Variants in CATSPERT observed in about 807,000 individuals in gnomAD.
CATSPERT encodes catsper channel auxiliary subunit tau.
chr2:201,514,076 TAAAA>T, the CATSPERT span, among the ~76,000 whole-genome samples: 2 of 152,004 alleles, frequency 1.3e-5, no homozygotes, highest in African/African-American at 4.8e-5. Flanking sequence ...ATATATGTAA[TAAAA>T]AAGAAATATC....
chr2:201,562,339 C>G, the CATSPERT span, among the ~76,000 whole-genome samples: 2,134 of 151,612 alleles, frequency 0.014, 24 homozygotes, highest in Non-Finnish European at 0.023. Flanking sequence ...AGGCGCCCAC[C>G]ACCACGCCCG....
chr2:201,502,955 G>T, the CATSPERT span, among the ~76,000 whole-genome samples: 1 of 151,184 alleles, frequency 6.6e-6, no homozygotes, highest in African/African-American at 2.4e-5. Context: ...CTGTCTTCAG[G>T]TTCAGTGATC....
the CATSPERT span, chr2:201,547,372 A>G: frequency 1.9e-6 from 1 of 517,420 alleles, no homozygotes; most frequent in South Asian, 2.9e-5. Context: ...CAAAACAGGT[A>G]AGTACCTGAA....
At chr2:201,570,178 A>G in the CATSPERT span, among the ~76,000 whole-genome samples, 11 of 152,284 alleles carry the variant, frequency 7.2e-5, no homozygotes, top group South Asian at 2.1e-3. Flanking sequence ...CTCCAAAAAA[A>G]TAAATAAATA....
the CATSPERT span, chr2:201,487,771 T>TGTGCAATATA: frequency 2.5e-6 from 4 of 1,614,198 alleles, no homozygotes; most frequent in East Asian, 8.9e-5. Context: ...CAGTATATGG[T>TGTGCAATATA]CTTGCAGAGT....
At chr2:201,608,044 G>T in the CATSPERT span, among the ~76,000 whole-genome samples, 1 of 152,220 alleles carries the variant, frequency 6.6e-6, no homozygotes, top group African/African-American at 2.4e-5. Context: ...GGACAGCAAT[G>T]CTAGATTTTA....
chr2:201,546,413 T>C, the CATSPERT span, among the ~76,000 whole-genome samples: 2 of 152,136 alleles, frequency 1.3e-5, no homozygotes, highest in African/African-American at 2.4e-5. Flanking sequence ...GTCCAGAATA[T>C]ACAAAGAACT....
At chr2:201,545,707 C>T in the CATSPERT span, 1 of 882,320 alleles carries the variant, frequency 1.1e-6, no homozygotes, top group Admixed American at 3.4e-5. Flanking sequence ...TTTTCCTCTG[C>T]CTTCATAACT....
At chr2:201,574,153 G>A in the CATSPERT span, 1 of 1,273,342 alleles carries the variant, frequency 7.9e-7, no homozygotes, top group Non-Finnish European at 1.1e-6. Context: ...CCTCAGAAGA[G>A]GACGATTTGA....
At chr2:201,582,087 A>T in the CATSPERT span, 1 of 1,598,930 alleles carries the variant, frequency 6.3e-7, no homozygotes, top group Non-Finnish European at 8.5e-7. Flanking sequence ...AAATCATTTT[A>T]TACATACCTG....
the CATSPERT span, among the ~76,000 whole-genome samples, chr2:201,563,908 A>C: frequency 1.3e-5 from 2 of 152,244 alleles, no homozygotes; most frequent in Admixed American, 6.5e-5. Context: ...CATGGAGCCC[A>C]TCATTTGGTG....
At chr2:201,572,787 C>T in the CATSPERT span, among the ~76,000 whole-genome samples, 1 of 151,976 alleles carries the variant, frequency 6.6e-6, no homozygotes. Context: ...AAGCTTGTTC[C>T]TTGTGGCTTT....
At chr2:201,564,368 A>G in the CATSPERT span, among the ~76,000 whole-genome samples, 1 of 152,224 alleles carries the variant, frequency 6.6e-6, no homozygotes, top group Non-Finnish European at 1.5e-5. Flanking sequence ...TTTCAAGTAC[A>G]ATGTCTGGCA....
the CATSPERT span, among the ~76,000 whole-genome samples, chr2:201,515,692 C>G: frequency 6.6e-6 from 1 of 152,102 alleles, no homozygotes. Context: ...ATATAAAGAC[C>G]TTTTGGTCAA....
At chr2:201,595,602 G>A in the CATSPERT span, among the ~76,000 whole-genome samples, 3 of 152,058 alleles carry the variant, frequency 2.0e-5, no homozygotes, top group African/African-American at 7.2e-5. Flanking sequence ...AGGCTGCTCG[G>A]GGGTCAGGGG....
At chr2:201,544,742 C>T in the CATSPERT span, among the ~76,000 whole-genome samples, 72,565 of 149,238 alleles carry the variant, frequency 0.49, 17,887 homozygotes, top group East Asian at 0.75. Context: ...CTCAGCACTT[C>T]GGGAAGCCAA....
the CATSPERT span, among the ~76,000 whole-genome samples, chr2:201,505,059 C>T: frequency 2.6e-5 from 4 of 152,128 alleles, no homozygotes; most frequent in African/African-American, 9.7e-5. Flanking sequence ...GGTACTGGAA[C>T]ACCAATTTAG....
chr2:201,576,142 G>A, the CATSPERT span, among the ~76,000 whole-genome samples: 1 of 152,178 alleles, frequency 6.6e-6, no homozygotes, highest in African/African-American at 2.4e-5. Flanking sequence ...TTGTTTTTGA[G>A]GGTGTATCGA....
the CATSPERT span, among the ~76,000 whole-genome samples, chr2:201,618,076 T>C: frequency 6.6e-6 from 1 of 152,168 alleles, no homozygotes; most frequent in Non-Finnish European, 1.5e-5. Flanking sequence ...CTGGAGAGGA[T>C]GTGGAGAAAT....
Sources: allele counts gnomAD v4.1 joint callset (sites outside exome capture counted in the v4.1 genomes callset), GRCh38; gene constraint gnomAD v4.1.1; transcripts MANE v1.5; gene names NCBI Gene and HGNC (gene_info 2026-07-23, HGNC 2026-07-21).